The following OR10G8 variants were observed in gnomAD, a reference collection of about 807,000 sequenced individuals.
OR10G8 encodes the protein olfactory receptor family 10 subfamily G member 8, also known as olfactory receptor 10G8.
For missense variants in OR10G8, 386 were observed against 384.9 expected (o/e 1.00, Z -0.02); for synonymous variants, 173 against 163.2 (o/e 1.06, Z -0.46).
intron 1 of OR10G8, among the ~76,000 whole-genome samples, 157 bp downstream of exon 1, chr11:124,027,024 G>A (rs1417826578): frequency 6.6e-6 from 1 of 152,120 alleles, no homozygotes; most frequent in Non-Finnish European, 1.5e-5. Flanking sequence ...TGCATCAAGG[G>A]AACCTAAAAG....
Position 124,029,876 on chromosome 11 carries a change from T to G in OR10G8, c.254T>G (p.Phe85Cys). ...TVPKLLMTLV[F>C]PSGRAISFHS... is the part of the protein sequence containing the mutation. ...CCCAAATTGCTGATGACTTTGGTGT[T>G]CCCAAGTGGCAGGGCTATCTCCTTC... is the stretch of plus-strand genomic sequence containing the variant. Residue 85 changes from phenylalanine to cysteine, a missense_variant, in exon 2 of 2, where the codon TTC (phenylalanine) becomes TGC (cysteine). Phe to Cys is a radical substitution (Grantham distance 205). Transcript: ENST00000641224. 1 of 1,612,448 alleles carries G rather than the reference T, an allele frequency of 6.2e-7. No individual in the cohort carries two copies. The highest frequency in any genetic ancestry group is 8.5e-7 in the Non-Finnish European group (1 of 1,180,008).
chr11:124,027,436 A>G (rs1027963677), intron 1 of OR10G8, among the ~76,000 whole-genome samples: 1 of 152,236 alleles, frequency 6.6e-6, no homozygotes, highest in Non-Finnish European at 1.5e-5. Context: ...TTGATGGGAT[A>G]CTAATAGAGA....
Position 124,030,273 on chromosome 11 carries a change from T to C in OR10G8, c.651T>C (p.Tyr217=), listed in dbSNP as rs1864146231. The C allele has an allele frequency of 6.2e-7, 1 of 1,614,108 alleles. No individual in the cohort carries two copies. The highest frequency in any genetic ancestry group is 1.1e-5 in the South Asian group (1 of 91,092). ...GCTTTGTCCTGATAGTGCTGTCCTA[T>C]GTGTCCATCGTCTGTTCCATCCTGC... ...SGCFVLIVLS[Y]VSIVCSILRI... is the part of the protein sequence containing the mutation. Residue 217 remains tyrosine, a synonymous_variant, in exon 2 of 2, where the codon TAT becomes TAC. Transcript: ENST00000641224.
chr11:124,030,488 T>C lies in OR10G8; in HGVS notation c.866T>C (p.Leu289Pro), dbSNP rs1465712672. The C allele has an allele frequency of 6.2e-7, 1 of 1,612,094 alleles. No homozygotes were observed. The highest frequency in any genetic ancestry group is 8.5e-7 in the Non-Finnish European group (1 of 1,179,548). Residue 289 changes from leucine to proline, a missense_variant, in exon 2 of 2, where the codon CTG (leucine) becomes CCG (proline). Transcript: ENST00000641224. ...CTTCTCAACCCTGTTGTGTACACCCTGAGGAACAAGGAGGTGAAGAAAGCT... is the reference window on the plus strand; with the variant it reads ...CTTCTCAACCCTGTTGTGTACACCCCGAGGAACAAGGAGGTGAAGAAAGCT... The part of the protein sequence containing the change: ...TPLLNPVVYT[L>P]RNKEVKKALL...
At position 124,030,177 on chromosome 11, in the gene OR10G8, A is replaced by G. The variant is rs150941212; in HGVS notation, c.555A>G (p.Lys185=). Residue 185 remains lysine (K), a synonymous_variant, in exon 2 of 2, where the codon AAA becomes AAG. Transcript: ENST00000641224. The part of the protein sequence containing the change: ...HYLCDAPPIL[K]LACADTSAIE... ...TGTGTGATGCACCGCCCATCCTGAA[A>G]CTGGCCTGTGCAGACACCTCAGCCA... The G allele has an allele frequency of 1.2e-6, 2 of 1,613,888 alleles. No homozygotes were observed. The highest frequency in any genetic ancestry group is 3.3e-5 in the Admixed American group (2 of 60,000).
At chr11:124,027,427 T>C (rs898377903) in intron 1 of OR10G8, among the ~76,000 whole-genome samples, 6 of 152,206 alleles carry the variant, frequency 3.9e-5, no homozygotes, top group Non-Finnish European at 1.5e-5. Context: ...AGATAGTAAT[T>C]GATGGGATAC....
chr11:124,029,163 C>T (rs78985475), intron 1 of OR10G8, among the ~76,000 whole-genome samples: 6,480 of 152,004 alleles, frequency 0.043, 325 homozygotes, highest in East Asian at 0.14. Flanking sequence ...TGCAAGGAAC[C>T]GAATCGTGCC....
At position 124,027,158 on chromosome 11, in the gene OR10G8, T is replaced by G. The variant is rs143818661; in HGVS notation, c.-28+291T>G. Among the ~76,000 whole-genome samples, 434 of 152,308 alleles carry G rather than the reference T, an allele frequency of 2.8e-3. 1 individual carries two copies. The highest frequency in any genetic ancestry group is 1.0e-2 in the African/African-American group (414 of 41,574). On this transcript the variant is annotated intron_variant, in intron 1 of 1. Coordinates refer to ENST00000641224, the MANE Select transcript of OR10G8 (RefSeq NM_001004464.2). The stretch of plus-strand genomic sequence containing the variant: ...GAAAAGGACCACTCTTTCTTAACAC[T>G]GTATCTGTTCTTTGAGTGGTATCTT...
chr11:124,030,040 T>C lies in OR10G8; in HGVS notation c.418T>C (p.Cys140Arg). 6.2e-7 allele frequency: 1 copy of C among 1,614,134 alleles called. No homozygotes were observed. The highest frequency in any genetic ancestry group is 1.3e-5 in the African/African-American group (1 of 75,036). The change falls in exon 2 of 2, where the codon TGT (cysteine) becomes CGT (arginine). Residue 140 changes from cysteine to arginine, a missense_variant. Coordinates refer to ENST00000641224, the MANE Select transcript of OR10G8 (RefSeq NM_001004464.2). ...RYTSMMTGRSCTLLATSTWLS... is the reference protein window; with the variant it reads ...RYTSMMTGRSRTLLATSTWLS... ...CACCAGCATGATGACTGGGCGCTCGTGTACTCTTCTGGCCACCAGCACTTG... is the reference window on the plus strand; with the variant it reads ...CACCAGCATGATGACTGGGCGCTCGCGTACTCTTCTGGCCACCAGCACTTG...
intron 1 of OR10G8, among the ~76,000 whole-genome samples, chr11:124,027,152 T>TA: frequency 6.6e-6 from 1 of 152,300 alleles, no homozygotes; most frequent in Middle Eastern, 3.4e-3. Flanking sequence ...CACTCTTTCT[T>TA]AACACTGTAT....
In OR10G8 at chr11:124,029,786, C is replaced by T. The variant is rs973541975; in HGVS notation, c.164C>T (p.Thr55Ile). 1 of 1,614,110 alleles carries T rather than the reference C, an allele frequency of 6.2e-7. No individual in the cohort carries two copies. Among genetic ancestry groups the T allele is most frequent in the African/African-American group, 1.3e-5 (1 of 75,024 alleles). Residue 55 changes from threonine (T) to isoleucine (I), a missense_variant, in exon 2 of 2, where the codon ACC (threonine) becomes ATC (isoleucine). Thr to Ile is a moderately conservative substitution (Grantham distance 89, BLOSUM62 -1). Transcript: ENST00000641224. The stretch of plus-strand genomic sequence containing the variant: ...ATCAGGGTGGATTCTCACCTCCACA[C>T]CACCATGTACTACTTCCTCACCAAC... ...LVIRVDSHLHTTMYYFLTNLS... is the reference protein window; with the variant it reads ...LVIRVDSHLHITMYYFLTNLS...
chr11:124,029,637 CCTA>C lies in OR10G8; in HGVS notation c.18_20del (p.Leu7del). 1 of 1,613,582 alleles carries C rather than the reference CCTA, an allele frequency of 6.2e-7. No homozygotes were observed. The highest frequency in any genetic ancestry group is 1.1e-5 in the South Asian group (1 of 91,054). On this transcript the variant is annotated inframe_deletion, in exon 2 of 2. Transcript: ENST00000641224. ...GGTGAGAAGAAATGTCCAACGCCAGCCTACTGACAGCGTTCATCCTCATGGGCC... is the reference window on the plus strand; with the variant it reads ...GGTGAGAAGAAATGTCCAACGCCAGCCTGACAGCGTTCATCCTCATGGGCC...
At position 124,030,557 on chromosome 11, in the gene OR10G8, A is replaced by G; in HGVS notation, c.935A>G (p.Ter312TrpextTer13). The G allele has an allele frequency of 6.3e-7, 1 of 1,579,188 alleles. No individual in the cohort carries two copies. The highest frequency in any genetic ancestry group is 8.6e-7 in the Non-Finnish European group (1 of 1,165,160). Residue 312 changes from the stop codon to tryptophan (W), a stop_lost, in exon 2 of 2, where the codon TAG (stop) becomes TGG (tryptophan). Transcript: ENST00000641224. ...AAAGTAGCACATTCTCAGAGCAAAT[A>G]GACACTAGGGAAGATTACATATCTT... ...KDKVAHSQSK[*>W]
intron 1 of OR10G8, among the ~76,000 whole-genome samples, chr11:124,027,116 G>C (rs998360957): frequency 6.6e-6 from 1 of 152,030 alleles, no homozygotes; most frequent in Non-Finnish European, 1.5e-5. Flanking sequence ...CACTTCAACT[G>C]GTTTGGTCCT....
rs1411769704 is a variant in OR10G8 at position 124,030,227 on chromosome 11, T to A, written c.605T>A (p.Val202Asp). ...ATAGAGACTGTCATTTTTGTGACTGTTGGAATAGTGGCCTCGGGCTGCTTT... is the reference window on the plus strand; with the variant it reads ...ATAGAGACTGTCATTTTTGTGACTGATGGAATAGTGGCCTCGGGCTGCTTT... ...SAIETVIFVT[V>D]GIVASGCFVL... The change falls in exon 2 of 2, where the codon GTT becomes GAT. Residue 202 changes from valine (V) to aspartate (D), a missense_variant. By Grantham distance (152) the Val-to-Asp change is radical (BLOSUM62 -3). Transcript: ENST00000641224. The A allele has an allele frequency of 4.3e-6, 7 of 1,614,184 alleles. No individual in the cohort carries two copies. The East Asian group carries it at 1.3e-4, about 31-fold the overall frequency.
chr11:124,029,669 C>T lies in OR10G8; in HGVS notation c.47C>T (p.Pro16Leu). 1 of 1,613,958 alleles carries T rather than the reference C, an allele frequency of 6.2e-7. No homozygotes were observed. Among genetic ancestry groups the T allele is most frequent in the Non-Finnish European group, 8.5e-7 (1 of 1,179,856 alleles). The change falls in exon 2 of 2, where the codon CCC becomes CTC. Residue 16 changes from proline (P) to leucine (L), a missense_variant. Coordinates refer to ENST00000641224, the MANE Select transcript of OR10G8 (RefSeq NM_001004464.2). The stretch of plus-strand genomic sequence containing the variant: ...ACAGCGTTCATCCTCATGGGCCTTC[C>T]CCATGCCCCAGCGCTGGACGCCCCC... ...LLTAFILMGL[P>L]HAPALDAPLF...
At position 124,030,438 on chromosome 11, in the gene OR10G8, C is replaced by G; in HGVS notation, c.816C>G (p.Ala272=). ...GSRKAVDGVV[A]VFYTVLTPLL... ...GGAAAGCTGTGGATGGAGTTGTGGC[C>G]GTTTTCTACACTGTGCTGACGCCCC... The change falls in exon 2 of 2, where the codon GCC becomes GCG. Residue 272 remains alanine (A), a synonymous_variant. Coordinates refer to ENST00000641224, the MANE Select transcript of OR10G8 (RefSeq NM_001004464.2). 2 of 1,614,204 alleles carry G rather than the reference C, an allele frequency of 1.2e-6. No individual in the cohort carries two copies. Among genetic ancestry groups the G allele is most frequent in the Non-Finnish European group, 1.7e-6 (2 of 1,180,046 alleles).
At chr11:124,027,760 T>C (rs1464665261) in intron 1 of OR10G8, among the ~76,000 whole-genome samples, 1 of 152,232 alleles carries the variant, frequency 6.6e-6, no homozygotes, top group Non-Finnish European at 1.5e-5. Context: ...CCTGGAGGTA[T>C]CTTCTCTGGG....
chr11:124,029,227 C>A (rs1864131815), intron 1 of OR10G8, among the ~76,000 whole-genome samples: 1 of 152,012 alleles, frequency 6.6e-6, no homozygotes, highest in African/African-American at 2.4e-5. Context: ...AGATTGCAGG[C>A]CTTGGTGATA....
Sources: allele counts gnomAD v4.1 joint callset (sites outside exome capture counted in the v4.1 genomes callset), GRCh38; gene constraint gnomAD v4.1.1; transcripts MANE v1.5; gene names NCBI Gene and HGNC (gene_info 2026-07-23, HGNC 2026-07-21).